Variants in CLSTN2 observed in about 807,000 individuals in gnomAD.
CLSTN2 encodes the protein calsyntenin 2.
Under a neutral mutation model 101.2 loss-of-function variants are expected in CLSTN2, and 48 were observed. The observed-to-expected ratio is 0.47, with a 90% confidence interval of 0.38 to 0.60. The LOEUF (loss-of-function observed/expected upper bound fraction) is 0.60. Ranked by LOEUF, CLSTN2 falls within the 20% of genes least tolerant of loss-of-function variation. The probability of loss-of-function intolerance (pLI) is 0.00; values close to 1 mark genes in which losing one functional copy is unlikely to be tolerated. For missense variants in CLSTN2, 1,160 were observed against 1,238.2 expected (o/e 0.94, Z 0.95); for synonymous variants, 481 against 463.6 (o/e 1.04, Z -0.48).
At chr3:140,110,093 G>A (rs958331553) in intron 1 of CLSTN2, among the ~76,000 whole-genome samples, 1 of 152,162 alleles carries the variant, frequency 6.6e-6, no homozygotes, top group Non-Finnish European at 1.5e-5. Context: ...GCAATTTCAA[G>A]TTACTACCAT....
At chr3:140,466,847 T>G (rs985415010) in intron 8 of CLSTN2, 116 bp downstream of exon 8, 9 of 1,406,068 alleles carry the variant, frequency 6.4e-6, no homozygotes, top group Non-Finnish European at 7.7e-6. Flanking sequence ...TGCTGAATTT[T>G]GGAAAAATCA....
At chr3:140,059,611 G>T (rs754424319) in intron 1 of CLSTN2, among the ~76,000 whole-genome samples, 1 of 152,114 alleles carries the variant, frequency 6.6e-6, no homozygotes, top group Non-Finnish European at 1.5e-5. Flanking sequence ...CCCCTCTGAG[G>T]ATGGCAGGGT....
At chr3:140,183,960 TATG>T (rs1327928866) in intron 2 of CLSTN2, among the ~76,000 whole-genome samples, 1 of 152,174 alleles carries the variant, frequency 6.6e-6, no homozygotes, top group Non-Finnish European at 1.5e-5. Context: ...CCCCAAAACT[TATG>T]AGCATCAAAC....
chr3:140,239,138 G>A (rs1176077440), intron 2 of CLSTN2, among the ~76,000 whole-genome samples: 3 of 152,176 alleles, frequency 2.0e-5, no homozygotes, highest in African/African-American at 4.8e-5. Flanking sequence ...TTTGCTGCCA[G>A]TATCCCCAGA....
intron 8 of CLSTN2, chr3:140,507,344 G>T (rs182349059): frequency 6.6e-5 from 10 of 152,158 alleles, no homozygotes; most frequent in African/African-American, 2.4e-5. Flanking sequence ...ACGCAGTCAG[G>T]ACGTGATCAA....
At chr3:140,243,369 G>A (rs1046330218) in intron 2 of CLSTN2, among the ~76,000 whole-genome samples, 2 of 152,154 alleles carry the variant, frequency 1.3e-5, no homozygotes, top group East Asian at 3.9e-4. Context: ...GTCAGTAATG[G>A]GCCTCCCCAT....
Position 140,082,211 on chromosome 3 carries a change from G to A in CLSTN2, c.110-93740G>A, listed in dbSNP as rs569007551. On this transcript the variant is annotated intron_variant, in intron 1 of 16. Coordinates refer to ENST00000458420, the MANE Select transcript of CLSTN2 (RefSeq NM_022131.3). ...AATGTAATCCTTTCTGCTTCACACT[G>A]CAGCCTTTCTCCTGAAGTTATTTGA... Among the ~76,000 whole-genome samples the A allele has an allele frequency of 2.0e-5, 3 of 152,288 alleles. No homozygotes were observed. In the South Asian group the frequency reaches 6.2e-4, roughly 32 times the overall value.
chr3:140,196,521 C>A (rs904357928), intron 2 of CLSTN2, among the ~76,000 whole-genome samples: 1 of 152,194 alleles, frequency 6.6e-6, no homozygotes, highest in African/African-American at 2.4e-5. Flanking sequence ...CAGGGATATA[C>A]CCATGAAGTC....
intron 2 of CLSTN2, among the ~76,000 whole-genome samples, chr3:140,287,810 A>C (rs1256402504): frequency 6.6e-6 from 1 of 152,176 alleles, no homozygotes; most frequent in Non-Finnish European, 1.5e-5. Context: ...CAGCATTCTA[A>C]GATAGGTCTA....
intron 1 of CLSTN2, among the ~76,000 whole-genome samples, chr3:140,172,956 A>G (rs574739825): frequency 1.3e-5 from 2 of 152,292 alleles, no homozygotes; most frequent in Non-Finnish European, 1.5e-5. Context: ...GAGCCAAACC[A>G]TATCATTCTT....
chr3:139,944,850 C>T (rs1935190502), intron 1 of CLSTN2, among the ~76,000 whole-genome samples: 2 of 152,238 alleles, frequency 1.3e-5, no homozygotes, highest in African/African-American at 4.8e-5. Context: ...CAACTTGCAG[C>T]ATTTGCTCCG....
At chr3:140,423,848 G>T (rs1480446165) in intron 5 of CLSTN2, among the ~76,000 whole-genome samples, 1 of 152,124 alleles carries the variant, frequency 6.6e-6, no homozygotes, top group Non-Finnish European at 1.5e-5. Flanking sequence ...TCTAAAGAAA[G>T]TTCAAATGTT....
intron 1 of CLSTN2, among the ~76,000 whole-genome samples, chr3:139,944,062 C>T (rs911165451): frequency 6.6e-6 from 1 of 152,196 alleles, no homozygotes; most frequent in Non-Finnish European, 1.5e-5. Flanking sequence ...TTAATGCTTT[C>T]ATCTTTCAAG....
At chr3:140,192,833 T>TTG (rs780680506) in intron 2 of CLSTN2, among the ~76,000 whole-genome samples, 41 of 151,970 alleles carry the variant, frequency 2.7e-4, no homozygotes, top group Non-Finnish European at 5.4e-4. Flanking sequence ...TATTTTTGTG[T>TTG]TGTTCTATTT....
intron 2 of CLSTN2, among the ~76,000 whole-genome samples, chr3:140,400,139 G>A (rs573112565): frequency 5.3e-4 from 81 of 152,264 alleles, no homozygotes; most frequent in African/African-American, 1.7e-3. Flanking sequence ...TTTGAAACAA[G>A]TTCTAGTTCA....
intron 2 of CLSTN2, among the ~76,000 whole-genome samples, chr3:140,238,878 A>G (rs1301885384): frequency 6.6e-6 from 1 of 152,200 alleles, no homozygotes; most frequent in Non-Finnish European, 1.5e-5. Flanking sequence ...TCATAGAACG[A>G]TTAAGGCAAG....
intron 1 of CLSTN2, among the ~76,000 whole-genome samples, chr3:140,112,462 A>G (rs2009172053): frequency 6.6e-6 from 1 of 152,182 alleles, no homozygotes; most frequent in Non-Finnish European, 1.5e-5. Flanking sequence ...GCAGCTTATA[A>G]TTCACAGGAG....
chr3:140,343,709 A>C (rs1055492670), intron 2 of CLSTN2, among the ~76,000 whole-genome samples: 1 of 152,208 alleles, frequency 6.6e-6, no homozygotes, highest in African/African-American at 2.4e-5. Context: ...CTTTTCTTTC[A>C]TGTTCATCCA....
chr3:140,229,436 C>A (rs917680347), intron 2 of CLSTN2, among the ~76,000 whole-genome samples: 1 of 152,054 alleles, frequency 6.6e-6, no homozygotes, highest in Non-Finnish European at 1.5e-5. Context: ...GTCTGAGACG[C>A]CACATTCCCA....
Sources: gnomAD v4.1 joint callset for allele counts (sites outside exome capture counted in the v4.1 genomes callset) on GRCh38, gnomAD v4.1.1 for gene constraint, MANE v1.5 for transcripts, NCBI Gene and HGNC (gene_info 2026-07-23, HGNC 2026-07-21) for gene names.